Variants in PDE1A observed in about 807,000 individuals in gnomAD.
The protein encoded by PDE1A is dual specificity calcium/calmodulin-dependent 3',5'-cyclic nucleotide phosphodiesterase 1A.
In PDE1A, 35 loss-of-function variants were observed where a neutral mutation model predicts 61.7. The ratio of observed to expected loss-of-function variants is 0.57; its 90% CI spans 0.43 to 0.75. The LOEUF (loss-of-function observed/expected upper bound fraction) is 0.75, where lower values mean the gene tolerates loss of function less well. Ranked by LOEUF, PDE1A falls within the 30% of genes least tolerant of loss-of-function variation. PDE1A has a pLI of 0.00. For missense variants in PDE1A, 597 were observed against 630.6 expected (o/e 0.95, Z 0.57); for synonymous variants, 232 against 213.2 (o/e 1.09, Z -0.77).
the PDE1A span, among the ~76,000 whole-genome samples, chr2:182,634,356 T>A: frequency 2.0e-5 from 3 of 152,206 alleles, no homozygotes; most frequent in Non-Finnish European, 4.4e-5. Flanking sequence ...AGTCTAGTGT[T>A]TCCAATTTTT....
chr2:182,218,248 A>C (rs1688392433), intron 7 of PDE1A, among the ~76,000 whole-genome samples: 1 of 134,338 alleles, frequency 7.4e-6, no homozygotes, highest in Admixed American at 8.5e-5. Context: ...GAAGGGGAAC[A>C]TCACACTCTG....
Position 182,185,891 on chromosome 2 carries a change from C to A in PDE1A, c.1516+1G>T, listed in dbSNP as rs1352756338. 6.2e-7 allele frequency: 1 copy of A among 1,613,768 alleles called. No individual in the cohort carries two copies. Among genetic ancestry groups the A allele is most frequent in the Non-Finnish European group, 8.5e-7 (1 of 1,179,880 alleles). On this transcript the variant is annotated splice_donor_variant, in intron 13 of 13. Transcript: ENST00000351439. LOFTEE classifies it high-confidence loss of function. ...CAGTAAGGCCTCATAAACAACACTA[C>A]CTTGTGCAGCTAACTCTTTCCACCT...
At chr2:182,287,617 C>A (rs893211509) in intron 1 of PDE1A, among the ~76,000 whole-genome samples, 1 of 152,100 alleles carries the variant, frequency 6.6e-6, no homozygotes, top group Admixed American at 6.6e-5. Flanking sequence ...TCCCACCAAC[C>A]AACTCTACTG....
At chr2:182,330,609 C>T (rs1488131161) in intron 1 of PDE1A, among the ~76,000 whole-genome samples, 1 of 152,070 alleles carries the variant, frequency 6.6e-6, no homozygotes, top group East Asian at 1.9e-4. Flanking sequence ...TGCTTACTGT[C>T]CCCTCTGTCG....
intron 1 of PDE1A, among the ~76,000 whole-genome samples, chr2:182,404,685 A>C (rs1239460357): frequency 2.0e-5 from 3 of 152,158 alleles, no homozygotes; most frequent in Non-Finnish European, 4.4e-5. Context: ...CTAAGATACA[A>C]ACACACACAT....
chr2:182,428,181 T>C (rs1387747921), upstream of PDE1A, among the ~76,000 whole-genome samples: 5 of 152,178 alleles, frequency 3.3e-5, no homozygotes, highest in Non-Finnish European at 7.4e-5. Context: ...GTCCTAGTTC[T>C]ATTGCAAATA....
intron 3 of PDE1A, among the ~76,000 whole-genome samples, chr2:182,237,350 GC>G (rs1690107255): frequency 6.6e-6 from 1 of 152,086 alleles, no homozygotes; most frequent in South Asian, 2.1e-4. Context: ...AAAACAATTA[GC>G]CGTGCGTGGT....
In PDE1A at chr2:182,229,980, A is replaced by T. The variant is rs760156410; in HGVS notation, c.675+26T>A. ...AGTTTGGAATGCTTCCAAACTAACAAACCTCAGTTACAAAGACTGTCTTAC... is the reference window on the plus strand; with the variant it reads ...AGTTTGGAATGCTTCCAAACTAACATACCTCAGTTACAAAGACTGTCTTAC... On this transcript the variant is annotated intron_variant, in intron 6 of 13. Coordinates refer to ENST00000351439, the Ensembl canonical transcript of PDE1A. 10 of 1,588,182 alleles carry T rather than the reference A, an allele frequency of 6.3e-6. No homozygotes were observed. In the South Asian group the frequency reaches 1.0e-4, roughly 16 times the overall value.
At chr2:182,316,806 A>G (rs1696365705) in intron 1 of PDE1A, among the ~76,000 whole-genome samples, 1 of 152,190 alleles carries the variant, frequency 6.6e-6, no homozygotes, top group Non-Finnish European at 1.5e-5. Flanking sequence ...TAATTTTTGA[A>G]AATTGAAGGT....
At chr2:182,306,788 T>C (rs1695616309) in intron 1 of PDE1A, among the ~76,000 whole-genome samples, 1 of 152,162 alleles carries the variant, frequency 6.6e-6, no homozygotes, top group Non-Finnish European at 1.5e-5. Flanking sequence ...TCTCACTCTT[T>C]ATAGAATAAA....
chr2:182,448,173 C>T (rs1484780007), intron 2 of PDE1A, among the ~76,000 whole-genome samples: 1 of 152,114 alleles, frequency 6.6e-6, no homozygotes, highest in Admixed American at 6.6e-5. Context: ...TTCTAACACT[C>T]ATGCTTGGCA....
At chr2:182,195,082 C>T (rs180921856) in intron 10 of PDE1A, among the ~76,000 whole-genome samples, 1 of 152,152 alleles carries the variant, frequency 6.6e-6, no homozygotes, top group Admixed American at 6.5e-5. Flanking sequence ...AAGGAAAATA[C>T]TTCTCTTAAT....
intron 1 of PDE1A, among the ~76,000 whole-genome samples, chr2:182,416,354 G>C (rs1266635221): frequency 2.0e-5 from 3 of 152,202 alleles, no homozygotes; most frequent in African/African-American, 7.2e-5. Context: ...GGTGTACAGT[G>C]ACACCTGGGT....
At chr2:182,493,362 C>T (rs954187796) in intron 2 of PDE1A, among the ~76,000 whole-genome samples, 1 of 151,700 alleles carries the variant, frequency 6.6e-6, no homozygotes, top group African/African-American at 2.4e-5. Flanking sequence ...ATCCATGTGC[C>T]GTGTTGGTGT....
At chr2:182,222,220 A>G (rs1688788900) in intron 7 of PDE1A, among the ~76,000 whole-genome samples, 1 of 152,062 alleles carries the variant, frequency 6.6e-6, no homozygotes, top group South Asian at 2.1e-4. Flanking sequence ...GTGATAAGAA[A>G]TAAGCTGTCA....
intron 2 of PDE1A, among the ~76,000 whole-genome samples, chr2:182,252,452 C>T (rs1437272611): frequency 6.6e-6 from 1 of 152,064 alleles, no homozygotes; most frequent in Admixed American, 6.6e-5. Context: ...AAATCCATGT[C>T]CCATGGAAGG....
At chr2:182,530,143 T>C in the PDE1A span, among the ~76,000 whole-genome samples, 1 of 152,144 alleles carries the variant, frequency 6.6e-6, no homozygotes, top group Non-Finnish European at 1.5e-5. Context: ...CAAGATTGAG[T>C]AATGAGGACC....
At chr2:182,710,458 A>G in the PDE1A span, among the ~76,000 whole-genome samples, 5 of 152,156 alleles carry the variant, frequency 3.3e-5, no homozygotes, top group East Asian at 9.6e-4. Flanking sequence ...TCCCCAGAAC[A>G]TATTCATCTT....
At chr2:182,471,825 G>C (rs534301208) in intron 2 of PDE1A, among the ~76,000 whole-genome samples, 4 of 151,640 alleles carry the variant, frequency 2.6e-5, no homozygotes, top group African/African-American at 9.7e-5. Flanking sequence ...TTTCCAAAAG[G>C]GGACAGAATG....
Sources: allele counts gnomAD v4.1 joint callset (sites outside exome capture counted in the v4.1 genomes callset), GRCh38; gene constraint gnomAD v4.1.1; transcripts MANE v1.5; gene names NCBI Gene and HGNC (gene_info 2026-07-23, HGNC 2026-07-21).